The following GREB1L variants were observed in gnomAD, a reference collection of about 807,000 sequenced individuals.
GREB1L encodes GREB1 like retinoic acid receptor coactivator.
Under a neutral mutation model 200.8 loss-of-function variants are expected in GREB1L, and 17 were observed. That is an observed-to-expected ratio of 0.08 (90% CI 0.06 to 0.13). The LOEUF (loss-of-function observed/expected upper bound fraction) is 0.13. Ranked by LOEUF, GREB1L falls within the 10% of genes least tolerant of loss-of-function variation. The pLI is 1.00. For missense variants in GREB1L, 1,657 were observed against 2,367.7 expected, an observed-to-expected ratio of 0.70 and a Z score of 6.23; for synonymous variants, 789 against 893.0, an observed-to-expected ratio of 0.88 and a Z score of 2.08.
At chr18:21,293,008 G>T (rs1004929781) in intron 1 of GREB1L, among the ~76,000 whole-genome samples, 1 of 152,208 alleles carries the variant, frequency 6.6e-6, no homozygotes, top group Non-Finnish European at 1.5e-5. Context: ...ATCAACATTG[G>T]ATTGGGTGGC....
At position 21,518,034 on chromosome 18, in the gene GREB1L, G is replaced by A; in HGVS notation, c.5272G>A (p.Val1758Met). The change falls in exon 31 of 33, where the codon GTG (valine) becomes ATG (methionine). Residue 1758 changes from valine (V) to methionine (M), a missense_variant and splice_region_variant. This residue lies in a region of GREB1L where 190 missense variants were observed against 230.2 expected (regional missense o/e 0.83). Transcript: ENST00000424526. ...ATGATCATCTCGCCTCTGATTTCAGGTGTCAGAGAGCTTAGCACCCATCTT... is the reference window on the plus strand; with the variant it reads ...ATGATCATCTCGCCTCTGATTTCAGATGTCAGAGAGCTTAGCACCCATCTT... The part of the protein sequence containing the change: ...RDFIIKPKIM[V>M]SESLAPILPL... 1 of 1,549,810 alleles carries A rather than the reference G, an allele frequency of 6.5e-7. No homozygotes were observed. The highest frequency in any genetic ancestry group is 8.7e-7 in the Non-Finnish European group (1 of 1,145,392).
intron 1 of GREB1L, among the ~76,000 whole-genome samples, chr18:21,311,636 G>A (rs190257448): frequency 2.0e-5 from 3 of 152,174 alleles, no homozygotes; most frequent in East Asian, 1.9e-4. Flanking sequence ...GATACTATGC[G>A]CTGCAGGATA....
chr18:21,245,579 T>A (rs1037655709), intron 1 of GREB1L, among the ~76,000 whole-genome samples: 19 of 152,236 alleles, frequency 1.2e-4, no homozygotes, highest in African/African-American at 3.6e-4. Flanking sequence ...ATTTTTTCTA[T>A]AGCTTACTTC....
At chr18:21,372,262 C>G (rs1362540842) in intron 2 of GREB1L, among the ~76,000 whole-genome samples, 1 of 151,674 alleles carries the variant, frequency 6.6e-6, no homozygotes, top group African/African-American at 2.4e-5. Flanking sequence ...AGTTATCTGC[C>G]TCAGTCTCCC....
intron 1 of GREB1L, among the ~76,000 whole-genome samples, chr18:21,347,504 G>A (rs1299118046): frequency 6.6e-6 from 1 of 151,190 alleles, no homozygotes; most frequent in African/African-American, 2.4e-5. Context: ...CGCTCAGGCT[G>A]GAGTGTAATG....
intron 7 of GREB1L, among the ~76,000 whole-genome samples, chr18:21,433,660 G>A (rs577453768): frequency 6.6e-6 from 1 of 152,280 alleles, no homozygotes; most frequent in South Asian, 2.1e-4. Context: ...AAGCCAGTGG[G>A]GGACCATTTC....
chr18:21,294,726 G>A (rs935765120), intron 1 of GREB1L, among the ~76,000 whole-genome samples: 3 of 151,998 alleles, frequency 2.0e-5, no homozygotes, highest in African/African-American at 7.2e-5. Flanking sequence ...GGTATACATT[G>A]TTAGAAGAAC....
chr18:21,523,153 AG>A lies in GREB1L; in HGVS notation c.*337del, dbSNP rs2037632009. ...CATTATTTTTTTCTATTACTATGTT[AG>A]GGGGAAACTGACTGTCAGGATTAAC... is the stretch of plus-strand genomic sequence containing the variant. On this transcript the variant is annotated 3_prime_UTR_variant, in exon 33 of 33. Coordinates refer to ENST00000424526, the MANE Select transcript of GREB1L (RefSeq NM_001142966.3). 5.7e-6 allele frequency: 1 copy of A among 176,616 alleles called. No individual in the cohort carries two copies. Among genetic ancestry groups the A allele is most frequent in the East Asian group, 1.6e-4 (1 of 6,288 alleles). 10.9% of individuals were successfully genotyped at this position (176,616 alleles called of 1,614,324 possible). A position where few individuals can be genotyped will look rare whatever the true frequency, so the allele number is the denominator to read the frequency against.
intron 2 of GREB1L, among the ~76,000 whole-genome samples, chr18:21,367,718 GACAA>G (rs983409767): frequency 3.3e-5 from 5 of 152,148 alleles, no homozygotes; most frequent in Middle Eastern, 3.2e-3. Context: ...GCTGTCAGTT[GACAA>G]ACAACCTTAA....
chr18:21,345,397 T>A (rs1316539535), intron 1 of GREB1L, among the ~76,000 whole-genome samples: 2 of 152,198 alleles, frequency 1.3e-5, no homozygotes, highest in African/African-American at 4.8e-5. Context: ...TCGTGGTCTT[T>A]AACACGTTGT....
At chr18:21,367,184 T>A (rs2039708879) in intron 2 of GREB1L, among the ~76,000 whole-genome samples, 1 of 152,162 alleles carries the variant, frequency 6.6e-6, no homozygotes, top group African/African-American at 2.4e-5. Context: ...CTTAAAGGAT[T>A]CTCTTGAAAA....
intron 1 of GREB1L, among the ~76,000 whole-genome samples, chr18:21,272,467 A>T (rs1207576203): frequency 6.6e-6 from 1 of 152,248 alleles, no homozygotes; most frequent in Non-Finnish European, 1.5e-5. Flanking sequence ...GACAAAATGG[A>T]TAAAGGTATT....
Position 21,333,102 on chromosome 18 carries a change from G to A in GREB1L, c.-119-32925G>A, listed in dbSNP as rs1314125334. On this transcript the variant is annotated intron_variant, in intron 1 of 32. Coordinates refer to ENST00000424526, the MANE Select transcript of GREB1L (RefSeq NM_001142966.3). ...TGTTAATACACACACACGCGCGCGC[G>A]CGCGCGCACATACGGTCTCTCTTAT... Among the ~76,000 whole-genome samples, 26 of 152,028 alleles carry A rather than the reference G, an allele frequency of 1.7e-4. 1 individual carries two copies. Among genetic ancestry groups the A allele is most frequent in the Admixed American group, 6.5e-4 (10 of 15,272 alleles).
chr18:21,335,996 A>C (rs1242924155), intron 1 of GREB1L, among the ~76,000 whole-genome samples: 2 of 152,136 alleles, frequency 1.3e-5, no homozygotes, highest in East Asian at 1.9e-4. Flanking sequence ...TTTCATCATT[A>C]AAACATTCTT....
chr18:21,322,329 C>A (rs1272721652), intron 1 of GREB1L, among the ~76,000 whole-genome samples: 2 of 152,092 alleles, frequency 1.3e-5, no homozygotes, highest in Non-Finnish European at 2.9e-5. Context: ...CTTTGCCACC[C>A]AGGGGACATC....
chr18:21,332,217 C>A (rs1299154471), intron 1 of GREB1L, among the ~76,000 whole-genome samples: 1 of 152,194 alleles, frequency 6.6e-6, no homozygotes, highest in Admixed American at 6.5e-5. Context: ...ACATTGTCAT[C>A]CTCAGGGACT....
chr18:21,297,796 G>T (rs1391523581), intron 1 of GREB1L, among the ~76,000 whole-genome samples: 2 of 151,958 alleles, frequency 1.3e-5, no homozygotes, highest in African/African-American at 4.8e-5. Flanking sequence ...TGCTTGTGTG[G>T]CATTATCTCT....
chr18:21,256,114 T>G (rs2037794825), intron 1 of GREB1L, among the ~76,000 whole-genome samples: 1 of 152,212 alleles, frequency 6.6e-6, no homozygotes. Flanking sequence ...TTTTAAAAAA[T>G]GGCTATTTTA....
intron 1 of GREB1L, among the ~76,000 whole-genome samples, chr18:21,328,827 C>T (rs2039063795): frequency 6.6e-6 from 1 of 152,028 alleles, no homozygotes; most frequent in South Asian, 2.1e-4. Flanking sequence ...GTACTGTTTG[C>T]CAAATGTCAG....
Sources: allele counts gnomAD v4.1 joint callset (sites outside exome capture counted in the v4.1 genomes callset), GRCh38; gene constraint gnomAD v4.1.1; regional missense constraint gnomAD v4.1.1; transcripts MANE v1.5; gene names NCBI Gene and HGNC (gene_info 2026-07-23, HGNC 2026-07-21).